ARSF: variants seen among roughly 807,000 people sequenced by gnomAD.
ARSF encodes arylsulfatase F.
A neutral mutation model predicts 35.4 loss-of-function variants in ARSF; 33 were observed. The ratio of observed to expected loss-of-function variants is 0.93; its 90% CI spans 0.71 to 1.25. ARSF has a LOEUF of 1.25. Ranked by LOEUF, ARSF falls within the 50% of genes most tolerant of loss-of-function variation. ARSF has a pLI of 0.00. For missense variants in ARSF, 501 were observed against 480.2 expected (o/e 1.04, Z -0.40); for synonymous variants, 222 against 193.1 (o/e 1.15, Z -1.24).
rs138766548 is a variant in ARSF, at chrX:3,084,322, C to T, written c.486C>T (p.Tyr162=). 3.3e-6 allele frequency: 4 copies of T among 1,211,882 alleles called. No individual in the cohort carries two copies. The highest frequency in any genetic ancestry group is 4.5e-6 in the Non-Finnish European group (4 of 895,569). The change falls in exon 6 of 11, where the codon TAC becomes TAT. Residue 162 remains tyrosine (Y), a synonymous_variant. Coordinates refer to ENST00000381127, the MANE Select transcript of ARSF (RefSeq NM_001201539.2). ...CATATAATTATGGGTTTGACTACTA[C>T]TATGGCATGCCGTTCACTCTCGTTG... is the stretch of plus-strand genomic sequence containing the variant. ...HHPYNYGFDY[Y]YGMPFTLVDS...
intron 9 of ARSF, among the ~76,000 whole-genome samples, chrX:3,108,080 C>A (rs772577341): frequency 8.9e-6 from 1 of 111,810 alleles, no homozygotes; most frequent in Non-Finnish European, 1.9e-5. Context: ...ACAGTCCTAT[C>A]TCTACTGAAT....
At chrX:3,060,361 C>T (rs773410064) in intron 1 of ARSF, among the ~76,000 whole-genome samples, 1 of 112,117 alleles carries the variant, frequency 8.9e-6, no homozygotes, top group African/African-American at 3.2e-5. Flanking sequence ...GGAGAGAAAC[C>T]AGAGCAGAAA....
chrX:3,070,235 T>C (rs746155086), intron 2 of ARSF, among the ~76,000 whole-genome samples: 66 of 111,930 alleles, frequency 5.9e-4, no homozygotes, highest in Middle Eastern at 4.6e-3. Flanking sequence ...TTCATTCTTT[T>C]TTAACGCTGA....
chrX:3,064,798 A>G (rs1220017089), intron 1 of ARSF, among the ~76,000 whole-genome samples: 1 of 111,644 alleles, frequency 9.0e-6, no homozygotes, highest in Non-Finnish European at 1.9e-5. Context: ...AAAAGTCAGG[A>G]AACAACAGAT....
At chrX:3,094,904 TTAA>T (rs2090329013) in intron 7 of ARSF, among the ~76,000 whole-genome samples, 1 of 109,515 alleles carries the variant, frequency 9.1e-6, no homozygotes, top group Admixed American at 1.0e-4. Context: ...CATATTAGTA[TTAA>T]TAATTTGAAA....
At chrX:3,095,635 A>G (rs1412236030) in intron 7 of ARSF, among the ~76,000 whole-genome samples, 1 of 110,115 alleles carries the variant, frequency 9.1e-6, no homozygotes, top group Non-Finnish European at 1.9e-5. Context: ...GTGTTAAAGT[A>G]TGTATTTAAC....
chrX:3,096,816 TC>T (rs56056578), intron 7 of ARSF, among the ~76,000 whole-genome samples: 16,091 of 109,781 alleles, frequency 0.15, 922 homozygotes, highest in Middle Eastern at 0.21. Flanking sequence ...TTGACTTACA[TC>T]CCCCCAAAAA....
chrX:3,080,960 A>T lies in ARSF; in HGVS notation c.353A>T (p.Glu118Val). 8.3e-7 allele frequency: 1 copy of T among 1,211,737 alleles called. No homozygotes were observed. The highest frequency in any genetic ancestry group is 1.1e-6 in the Non-Finnish European group (1 of 895,446). ...LAVPAGLPLN[E>V]TTLAALLKKQ... ...GTCCCCGCAGGCCTCCCTCTTAATGAGACAACACTTGCAGCCTTGCTAAAG... is the reference window on the plus strand; with the variant it reads ...GTCCCCGCAGGCCTCCCTCTTAATGTGACAACACTTGCAGCCTTGCTAAAG... The change falls in exon 5 of 11, where the codon GAG becomes GTG. Residue 118 changes from glutamate (E) to valine (V), a missense_variant. By Grantham distance (121) the Glu-to-Val change is moderately radical (BLOSUM62 -2). Coordinates refer to ENST00000381127, the MANE Select transcript of ARSF (RefSeq NM_001201539.2).
intron 3 of ARSF, among the ~76,000 whole-genome samples, chrX:3,075,322 C>T (rs1190339113): frequency 1.8e-5 from 2 of 111,882 alleles, no homozygotes; most frequent in African/African-American, 6.5e-5. Flanking sequence ...GAAAAATGAA[C>T]TCCGTGTGCA....
At chrX:3,065,292 G>A (rs1569133999) in intron 1 of ARSF, among the ~76,000 whole-genome samples, 1 of 103,864 alleles carries the variant, frequency 9.6e-6, no homozygotes, top group East Asian at 3.0e-4. Flanking sequence ...TGTGGGGTGG[G>A]GGGTTGGGGG....
intron 2 of ARSF, among the ~76,000 whole-genome samples, chrX:3,071,439 G>T (rs2090103607): frequency 9.1e-6 from 1 of 110,230 alleles, no homozygotes; most frequent in African/African-American, 3.3e-5. Flanking sequence ...TAGCAGCTGG[G>T]ATTACAGGAG....
Position 3,061,914 on chromosome X carries a change from A to G in ARSF, c.-28-6159A>G, listed in dbSNP as rs1490374450. Among the ~76,000 whole-genome samples, 5 of 111,640 alleles carry G rather than the reference A, an allele frequency of 4.5e-5. No homozygotes were observed. The Admixed American group carries it at 4.8e-4, about 11-fold the overall frequency. ...TCAACGAGACAGAAGGTTAACAAGG[A>G]TATCCAGTACTTGAATTCAGCTCTG... On this transcript the variant is annotated intron_variant, in intron 1 of 10. Coordinates refer to ENST00000381127, the MANE Select transcript of ARSF (RefSeq NM_001201539.2).
chrX:3,079,820 A>G (rs761636284), intron 4 of ARSF, among the ~76,000 whole-genome samples: 84 of 106,258 alleles, frequency 7.9e-4, no homozygotes, highest in Non-Finnish European at 1.4e-3. Flanking sequence ...TTAGCTGGGC[A>G]TGGTGGTACA....
rs139910647 is a variant in ARSF, at chrX:3,110,343, C to T, written c.1390+91C>T. ...CGCATTCTTCCTTTCCTCTCTAGACCGGTCCTTTCATTCCAGGGCTCACTG... is the reference window on the plus strand; with the variant it reads ...CGCATTCTTCCTTTCCTCTCTAGACTGGTCCTTTCATTCCAGGGCTCACTG... On this transcript the variant is annotated intron_variant, in intron 10 of 10. Transcript: ENST00000381127. The T allele has an allele frequency of 1.7e-4, 160 of 924,785 alleles. No individual in the cohort carries two copies. In the East Asian group the frequency reaches 3.4e-3, roughly 20 times the overall value. 76.2% of individuals were successfully genotyped at this position (924,785 alleles called of 1,213,427 possible). A position where few individuals can be genotyped will look rare whatever the true frequency, so the allele number is the denominator to read the frequency against.
chrX:3,112,284 C>T lies in ARSF; in HGVS notation c.1501C>T (p.His501Tyr), dbSNP rs750905904. ...ATGTTTCGGAGAACAGGTTACCTAC[C>T]ACAACCCCCCTCTGCTCTTCGATCT... Reference protein sequence around the residue: ...CRCFGEQVTYHNPPLLFDLSR... With the variant: ...CRCFGEQVTYYNPPLLFDLSR... The change falls in exon 11 of 11, where the codon CAC becomes TAC. Residue 501 changes from histidine to tyrosine, a missense_variant. Coordinates refer to ENST00000381127, the MANE Select transcript of ARSF (RefSeq NM_001201539.2). 1.7e-5 allele frequency: 21 copies of T among 1,208,499 alleles called. No individual in the cohort carries two copies. The South Asian group carries it at 3.2e-4, about 18-fold the overall frequency.
chrX:3,078,052 C>T (rs1280778799), intron 4 of ARSF, among the ~76,000 whole-genome samples: 1 of 109,210 alleles, frequency 9.2e-6, no homozygotes, highest in African/African-American at 3.3e-5. Flanking sequence ...GATCCACCCA[C>T]CTCAGCCTCC....
At chrX:3,041,707 G>A (rs1445477105) in intron 1 of ARSF, 44 bp downstream of exon 1, 1 of 112,085 alleles carries the variant, frequency 8.9e-6, no homozygotes, top group East Asian at 2.8e-4. Context: ...TGAAGTAAAA[G>A]CTATAGGATC....
chrX:3,110,068 C>T (rs1056404462), intron 9 of ARSF, 60 bp from the exon 10 acceptor site: 2 of 1,078,683 alleles, frequency 1.9e-6, no homozygotes, highest in Admixed American at 2.9e-5. Context: ...CTTCAGGTAG[C>T]TTGGGACCCA....
intron 7 of ARSF, among the ~76,000 whole-genome samples, chrX:3,098,332 C>T (rs1325980906): frequency 2.8e-5 from 3 of 106,275 alleles, no homozygotes; most frequent in Non-Finnish European, 3.9e-5. Flanking sequence ...AGTTGAAAAC[C>T]GTTCATACAA....
Sources: allele counts gnomAD v4.1 joint callset (sites outside exome capture counted in the v4.1 genomes callset), GRCh38; gene constraint gnomAD v4.1.1; transcripts MANE v1.5; gene names NCBI Gene and HGNC (gene_info 2026-07-23, HGNC 2026-07-21).